LANCL1: variants seen among roughly 807,000 people sequenced by gnomAD.
The protein encoded by LANCL1 is LanC like glutathione S-transferase 1, also known as glutathione S-transferase LANCL1.
In LANCL1, 50 loss-of-function variants were observed where a neutral mutation model predicts 50.6. The ratio of observed to expected loss-of-function variants is 0.99; its 90% CI spans 0.79 to 1.25. LANCL1 has a LOEUF of 1.25. Ranked by LOEUF, LANCL1 falls within the 50% of genes most tolerant of loss-of-function variation. The probability of loss-of-function intolerance (pLI) is 0.00; values close to 1 mark genes in which losing one functional copy is unlikely to be tolerated. For missense variants in LANCL1, 532 were observed against 480.7 expected (o/e 1.11, Z -1.00); for synonymous variants, 188 against 178.6 (o/e 1.05, Z -0.42).
intron 3 of LANCL1, among the ~76,000 whole-genome samples, chr2:210,460,236 G>A (rs959109937): frequency 1.3e-5 from 2 of 152,116 alleles, no homozygotes; most frequent in African/African-American, 4.8e-5. Flanking sequence ...GCATTTTCGT[G>A]CAGTTCAAGG....
rs531226419 is a variant in LANCL1 at position 210,436,181 on chromosome 2, C to T, written c.1050+35G>A. ...GCTGAGATTTACAGGTGTGAGCCAC[C>T]GAGCTGCTTTCTATTTGGTGGTTCT... On this transcript the variant is annotated intron_variant, in intron 8 of 9. Transcript: ENST00000450366. 9.1e-5 allele frequency: 145 copies of T among 1,594,434 alleles called. 1 individual carries two copies. The South Asian group carries it at 1.1e-3, about 12-fold the overall frequency.
intron 4 of LANCL1, among the ~76,000 whole-genome samples, chr2:210,441,962 T>C (rs1372532598): frequency 1.3e-5 from 2 of 151,808 alleles, no homozygotes; most frequent in Non-Finnish European, 2.9e-5. Flanking sequence ...TGGAGTGCAA[T>C]GGCGTGATCT....
intron 3 of LANCL1, among the ~76,000 whole-genome samples, chr2:210,456,164 T>C (rs1009008959): frequency 2.6e-5 from 4 of 152,146 alleles, no homozygotes; most frequent in African/African-American, 9.7e-5. Flanking sequence ...GTAGGAAGCC[T>C]GCCTGCCTGC....
chr2:210,456,455 C>A (rs1480467066), intron 3 of LANCL1, among the ~76,000 whole-genome samples: 2 of 152,032 alleles, frequency 1.3e-5, no homozygotes, highest in Non-Finnish European at 2.9e-5. Context: ...TCATTTCCTG[C>A]CAAAGTTAAT....
At chr2:210,474,831 G>A (rs1427850040) in intron 2 of LANCL1, among the ~76,000 whole-genome samples, 1 of 152,128 alleles carries the variant, frequency 6.6e-6, no homozygotes, top group Non-Finnish European at 1.5e-5. Context: ...GAAGGTTTCT[G>A]TCACTAGGAC....
intron 2 of LANCL1, among the ~76,000 whole-genome samples, chr2:210,476,031 A>T (rs971991541): frequency 2.6e-5 from 4 of 152,214 alleles, no homozygotes; most frequent in South Asian, 2.1e-4. Flanking sequence ...AAAATACATT[A>T]AAAAATGCCA....
rs1692776687 is a variant in LANCL1, at chr2:210,432,429, G to C, written c.*2058C>G. 6.6e-6 allele frequency: 1 copy of C among 152,110 alleles called. No individual in the cohort carries two copies. Among genetic ancestry groups the C allele is most frequent in the African/African-American group, 2.4e-5 (1 of 41,412 alleles). 9.4% of individuals were successfully genotyped at this position (152,110 alleles called of 1,614,324 possible). On this transcript the variant is annotated 3_prime_UTR_variant, in exon 10 of 10. Transcript: ENST00000450366. ...ACCTTGGCAATGACTTTGAGCAGTA[G>C]GATGTAAATGACTCCCACAAGCTTA...
intron 3 of LANCL1, among the ~76,000 whole-genome samples, chr2:210,465,709 T>G (rs1694033113): frequency 6.6e-6 from 1 of 152,134 alleles, no homozygotes; most frequent in South Asian, 2.1e-4. Flanking sequence ...TTGATAATTA[T>G]AGGAAGAAGT....
At chr2:210,440,073 A>G (rs1394198775) in intron 6 of LANCL1, among the ~76,000 whole-genome samples, 3 of 152,158 alleles carry the variant, frequency 2.0e-5, no homozygotes, top group Non-Finnish European at 4.4e-5. Context: ...GTGCCCCAAT[A>G]GTATTAGATC....
At position 210,431,299 on chromosome 2, in the gene LANCL1, C is replaced by T. The variant is rs1201243125; in HGVS notation, c.*3188G>A. The T allele has an allele frequency of 6.6e-6, 1 of 152,172 alleles. No homozygotes were observed. Among genetic ancestry groups the T allele is most frequent in the Non-Finnish European group, 1.5e-5 (1 of 68,038 alleles). The allele number at this position is 152,172 out of a possible 1,614,324, so 9.4% of individuals were successfully genotyped here. ...GAGAACTAGTAAGTCAAATACTTTA[C>T]AGAACATAGAAATACATATGATCCC... On this transcript the variant is annotated 3_prime_UTR_variant, in exon 10 of 10. Coordinates refer to ENST00000450366, the MANE Select transcript of LANCL1 (RefSeq NM_006055.3).
At chr2:210,446,119 A>T (rs1693319351) in intron 4 of LANCL1, among the ~76,000 whole-genome samples, 1 of 152,164 alleles carries the variant, frequency 6.6e-6, no homozygotes, top group Non-Finnish European at 1.5e-5. Flanking sequence ...GCTGAGGGAA[A>T]GACTGTCTCC....
chr2:210,453,170 G>A (rs1353499943), intron 4 of LANCL1, among the ~76,000 whole-genome samples: 1 of 152,030 alleles, frequency 6.6e-6, no homozygotes, highest in Admixed American at 6.6e-5. Context: ...AAGCCTACTG[G>A]CTATAAATAC....
chr2:210,434,347 A>C lies in LANCL1; in HGVS notation c.*140T>G, dbSNP rs925604732. 2 of 613,216 alleles carry C rather than the reference A, an allele frequency of 3.3e-6. No individual in the cohort carries two copies. The highest frequency in any genetic ancestry group is 3.7e-5 in the African/African-American group (2 of 54,098). 38.0% of individuals were successfully genotyped at this position (613,216 alleles called of 1,614,324 possible). On this transcript the variant is annotated 3_prime_UTR_variant, in exon 10 of 10. Coordinates refer to ENST00000450366, the MANE Select transcript of LANCL1 (RefSeq NM_006055.3). ...TGATAATGGAAGGGAACTGAATGAA[A>C]GATAAATTCTGAAAAAAGCTAACAA... is the stretch of plus-strand genomic sequence containing the variant.
At chr2:210,471,279 TCG>T (rs1361796017) in intron 3 of LANCL1, among the ~76,000 whole-genome samples, 1 of 134,104 alleles carries the variant, frequency 7.5e-6, no homozygotes, top group Non-Finnish European at 1.7e-5. Context: ...TCTCTTGACC[TCG>T]TGATCCACCC....
intron 7 of LANCL1, among the ~76,000 whole-genome samples, chr2:210,437,003 A>C (rs1444470232): frequency 6.6e-6 from 1 of 152,204 alleles, no homozygotes; most frequent in East Asian, 1.9e-4. Flanking sequence ...ATGATACACT[A>C]AAAGCTTATT....
intron 5 of LANCL1, 52 bp from the exon 6 acceptor site, chr2:210,440,796 C>T (rs778399569): frequency 1.3e-6 from 2 of 1,554,432 alleles, no homozygotes; most frequent in Admixed American, 1.9e-5. Context: ...AAAAATCTTC[C>T]TGGAGGAGGT....
At chr2:210,457,250 G>A (rs1377807759) in intron 3 of LANCL1, among the ~76,000 whole-genome samples, 1 of 152,096 alleles carries the variant, frequency 6.6e-6, no homozygotes, top group African/African-American at 2.4e-5. Context: ...ATCAGCCCAG[G>A]TCAGGAAAAT....
chr2:210,437,335 C>T (rs1692967063), intron 7 of LANCL1, among the ~76,000 whole-genome samples: 1 of 152,154 alleles, frequency 6.6e-6, no homozygotes, highest in South Asian at 2.1e-4. Context: ...TTTATCAATT[C>T]ATCTGTTGAT....
At chr2:210,437,976 G>T in intron 6 of LANCL1, 104 bp from the exon 7 acceptor site, 3 of 738,418 alleles carry the variant, frequency 4.1e-6, no homozygotes, top group South Asian at 3.3e-5. Flanking sequence ...GGAAATGGAA[G>T]GTCATTAAGA....
Sources: gnomAD v4.1 joint callset for allele counts (sites outside exome capture counted in the v4.1 genomes callset) on GRCh38, gnomAD v4.1.1 for gene constraint, MANE v1.5 for transcripts, NCBI Gene and HGNC (gene_info 2026-07-23, HGNC 2026-07-21) for gene names.